Variants in MAPK10 observed in about 807,000 individuals in gnomAD.
MAPK10 encodes mitogen-activated protein kinase 10, also known as JNK3 alpha protein kinase.
A neutral mutation model predicts 59.3 loss-of-function variants in MAPK10; 25 were observed. The ratio of observed to expected loss-of-function variants is 0.42; its 90% CI spans 0.31 to 0.59. The LOEUF (loss-of-function observed/expected upper bound fraction) is 0.59, where lower values mean the gene tolerates loss of function less well. Among genes scored for constraint, MAPK10 ranks in the 20% least tolerant of loss-of-function variants. The pLI is 0.15. For synonymous variants in MAPK10, 190 were observed against 200.5 expected (o/e 0.95, Z 0.44); for missense variants, 351 against 568.9 (o/e 0.62, Z 3.90).
At chr4:86,120,914 G>A (rs756403036) in intron 4 of MAPK10, among the ~76,000 whole-genome samples, 2 of 152,040 alleles carry the variant, frequency 1.3e-5, no homozygotes, top group Non-Finnish European at 2.9e-5. Context: ...TTAGTGTTTA[G>A]TAAATATTTT....
intron 1 of MAPK10, among the ~76,000 whole-genome samples, chr4:86,438,703 A>C (rs1486526702): frequency 6.6e-6 from 1 of 151,954 alleles, no homozygotes; most frequent in Non-Finnish European, 1.5e-5. Flanking sequence ...AAAAAAAAAA[A>C]AAAACATGCA....
chr4:86,103,117 G>GTGTGTGGT (rs1553989212), intron 6 of MAPK10, 69 bp downstream of exon 6: 2 of 743,232 alleles, frequency 2.7e-6, no homozygotes, highest in South Asian at 3.0e-5. Context: ...GTGTGTGTGT[G>GTGTGTGGT]GTGTGTGATT....
chr4:86,498,976 A>T (rs958778812), intron 1 of MAPK10, among the ~76,000 whole-genome samples: 3 of 152,200 alleles, frequency 2.0e-5, no homozygotes, highest in South Asian at 4.1e-4. Flanking sequence ...CTTAAAGCTC[A>T]CCTGACCATA....
intron 13 of MAPK10, chr4:86,025,287 C>T (rs1314490026): frequency 2.6e-6 from 1 of 381,800 alleles, no homozygotes; most frequent in East Asian, 3.7e-5. Flanking sequence ...TAGATGAAAA[C>T]TATTTGCTTC....
At chr4:86,072,416 C>T (rs928757617) in intron 9 of MAPK10, among the ~76,000 whole-genome samples, 2 of 145,498 alleles carry the variant, frequency 1.4e-5, no homozygotes, top group African/African-American at 5.3e-5. Flanking sequence ...CTGGCCAGAA[C>T]TTCCAACACT....
chr4:86,319,453 T>G (rs2095849144), intron 2 of MAPK10, among the ~76,000 whole-genome samples: 1 of 152,194 alleles, frequency 6.6e-6, no homozygotes, highest in Admixed American at 6.5e-5. Context: ...GGGATGGAAC[T>G]TTCTAAGTCA....
At chr4:86,184,277 G>A (rs111329067) in intron 3 of MAPK10, among the ~76,000 whole-genome samples, 2,415 of 151,732 alleles carry the variant, frequency 0.016, 63 homozygotes, top group African/African-American at 0.055. Flanking sequence ...GTTTTATGTC[G>A]GTTGGTATGT....
chr4:86,205,124 G>A, intron 2 of MAPK10, among the ~76,000 whole-genome samples: 1 of 151,882 alleles, frequency 6.6e-6, no homozygotes, highest in East Asian at 1.9e-4. Context: ...CGTTGAAAGA[G>A]ATTTTTAAGT....
At position 86,181,513 on chromosome 4, in the gene MAPK10, A is replaced by G. The variant is rs190552114; in HGVS notation, c.66+12823T>C. Among the ~76,000 whole-genome samples, 35 of 152,306 alleles carry G rather than the reference A, an allele frequency of 2.3e-4. No homozygotes were observed. In the South Asian group the frequency reaches 3.5e-3, roughly 15 times the overall value. On this transcript the variant is annotated intron_variant, in intron 3 of 13. Transcript: ENST00000641462. ...GTTAGGTAAATACTGATTTATGATT[A>G]GGAAAATAATGAAAACATAATTAAA...
At chr4:86,317,105 A>G (rs1194897390) in intron 2 of MAPK10, among the ~76,000 whole-genome samples, 1 of 152,126 alleles carries the variant, frequency 6.6e-6, no homozygotes, top group Admixed American at 6.6e-5. Flanking sequence ...TTGTCCTTCC[A>G]AGAGGCGTGC....
intron 2 of MAPK10, among the ~76,000 whole-genome samples, chr4:86,304,453 C>A (rs1457129719): frequency 7.3e-6 from 1 of 137,320 alleles, no homozygotes; most frequent in Non-Finnish European, 1.5e-5. Context: ...ATTGCAGTGG[C>A]GCAATCTCGG....
At chr4:86,040,221 A>G (rs930607984) in intron 11 of MAPK10, among the ~76,000 whole-genome samples, 2 of 152,234 alleles carry the variant, frequency 1.3e-5, no homozygotes, top group Non-Finnish European at 2.9e-5. Flanking sequence ...TAATTGTTTT[A>G]AGGAAGCTCA....
At chr4:86,119,614 AG>A (rs1447678621) in intron 4 of MAPK10, 9 of 150,982 alleles carry the variant, frequency 6.0e-5, no homozygotes, top group Admixed American at 2.0e-4. Flanking sequence ...AGCCAATAAT[AG>A]GAGAACTCTA....
intron 11 of MAPK10, among the ~76,000 whole-genome samples, chr4:86,058,231 G>GAA (rs1376317949): frequency 1.0e-4 from 15 of 149,648 alleles, no homozygotes; most frequent in African/African-American, 3.8e-4. Context: ...CAGAGGAATT[G>GAA]TGCTCCGTTC....
At position 86,063,720 on chromosome 4, in the gene MAPK10, G is replaced by A. The variant is rs149126237; in HGVS notation, c.1110+546C>T. On this transcript the variant is annotated intron_variant, in intron 11 of 13. Coordinates refer to ENST00000641462, the MANE Select transcript of MAPK10 (RefSeq NM_138982.4). ...TCTCCATGTCTGGGTATCAGACATGGAGATACATCATACTGATCAACCTGA... is the reference window on the plus strand; with the variant it reads ...TCTCCATGTCTGGGTATCAGACATGAAGATACATCATACTGATCAACCTGA... Among the ~76,000 whole-genome samples the A allele has an allele frequency of 1.6e-3, 239 of 152,248 alleles. 2 individuals are homozygous for A. The highest frequency in any genetic ancestry group is 5.4e-3 in the African/African-American group (226 of 41,544).
At chr4:86,199,180 T>C (rs1433601566) in intron 2 of MAPK10, among the ~76,000 whole-genome samples, 1 of 152,028 alleles carries the variant, frequency 6.6e-6, no homozygotes, top group African/African-American at 2.4e-5. Context: ...TCTACACATA[T>C]TCCTAGAGAA....
chr4:86,232,485 T>C (rs1008575596), intron 2 of MAPK10, among the ~76,000 whole-genome samples: 2 of 152,034 alleles, frequency 1.3e-5, no homozygotes, highest in African/African-American at 2.4e-5. Flanking sequence ...GCCATTCTCC[T>C]GCCTCAGCCT....
intron 2 of MAPK10, among the ~76,000 whole-genome samples, chr4:86,283,163 G>A (rs558214376): frequency 4.6e-5 from 7 of 152,224 alleles, no homozygotes; most frequent in Middle Eastern, 3.4e-3. Flanking sequence ...CAGTAATGGC[G>A]TATAATGGGT....
At chr4:86,396,351 AAAAG>A (rs1408002344) in intron 1 of MAPK10, among the ~76,000 whole-genome samples, 1 of 152,178 alleles carries the variant, frequency 6.6e-6, no homozygotes. Context: ...TGTCTCAAAA[AAAAG>A]AAAGAAAGTA....
Sources: allele counts gnomAD v4.1 joint callset (sites outside exome capture counted in the v4.1 genomes callset), GRCh38; gene constraint gnomAD v4.1.1; transcripts MANE v1.5; gene names NCBI Gene and HGNC (gene_info 2026-07-23, HGNC 2026-07-21).